Variants in FYB2 observed in about 807,000 individuals in gnomAD.
FYB2 encodes the protein FYN binding protein 2.
FYB2 carries 103 observed loss-of-function variants against 94.1 expected under a neutral mutation model. The observed-to-expected ratio is 1.09, with a 90% confidence interval of 0.93 to 1.29. The LOEUF (loss-of-function observed/expected upper bound fraction) is 1.29. Ranked by LOEUF, FYB2 falls within the 50% of genes most tolerant of loss-of-function variation. The pLI is 0.00. For missense variants in FYB2, 896 were observed against 841.5 expected, an observed-to-expected ratio of 1.06 and a Z score of -0.80; for synonymous variants, 293 against 287.9, an observed-to-expected ratio of 1.02 and a Z score of -0.18.
At chr1:56,719,856 G>A (rs996503583) in intron 19 of FYB2, among the ~76,000 whole-genome samples, 164 bp from the exon 20 acceptor site, 9 of 148,332 alleles carry the variant, frequency 6.1e-5, no homozygotes, top group African/African-American at 2.0e-4. Flanking sequence ...AGGAGAGACA[G>A]TAATAAAGTC....
intron 7 of FYB2, among the ~76,000 whole-genome samples, chr1:56,754,734 A>G (rs966873993): frequency 6.6e-6 from 1 of 152,020 alleles, no homozygotes; most frequent in African/African-American, 2.4e-5. Flanking sequence ...CTCACTCCCA[A>G]CTACTCTGGC....
chr1:56,728,710 T>C (rs575680773), intron 15 of FYB2, among the ~76,000 whole-genome samples: 1 of 152,248 alleles, frequency 6.6e-6, no homozygotes, highest in East Asian at 1.9e-4. Context: ...TCCACTGCTA[T>C]CCATACTTTA....
At chr1:56,819,519 C>G (rs1646963428), upstream of FYB2, 1 of 612,002 alleles carries the variant, frequency 1.6e-6, no homozygotes, top group Non-Finnish European at 2.9e-6. Flanking sequence ...AGACCAGCAC[C>G]TGCAGGGGAC....
upstream of FYB2, chr1:56,819,793 C>T (rs1189024135): frequency 2.4e-5 from 4 of 167,314 alleles, no homozygotes; most frequent in Admixed American, 5.7e-5. Flanking sequence ...CCCTTTCTCA[C>T]GGTCAGGGAA....
intron 16 of FYB2, among the ~76,000 whole-genome samples, 178 bp from the exon 17 acceptor site, chr1:56,723,859 A>G (rs1375653986): frequency 6.6e-6 from 1 of 151,454 alleles, no homozygotes; most frequent in Admixed American, 6.6e-5. Flanking sequence ...ACACACACGT[A>G]TGTAGGTTCA....
intron 9 of FYB2, among the ~76,000 whole-genome samples, chr1:56,745,512 A>G (rs932799351): frequency 1.3e-5 from 2 of 151,862 alleles, no homozygotes; most frequent in African/African-American, 2.4e-5. Flanking sequence ...CTCACTTCCA[A>G]TCCAAAGCCA....
At chr1:56,757,700 T>TTCTTTCTTTCTTTCTTTCTC in intron 6 of FYB2, among the ~76,000 whole-genome samples, 3 of 87,918 alleles carry the variant, frequency 3.4e-5, no homozygotes, top group Admixed American at 2.5e-4. Flanking sequence ...CTTTCTTTCT[T>TTCTTTCTTTCTTTCTTTCTC]TCTTTCTTTC....
chr1:56,753,967 G>A, intron 7 of FYB2, 32 bp from the exon 8 acceptor site: 2 of 1,037,256 alleles, frequency 1.9e-6, no homozygotes, highest in Non-Finnish European at 3.0e-6. Flanking sequence ...GGAAAAAAAT[G>A]AAGCTTAGAG....
intron 4 of FYB2, among the ~76,000 whole-genome samples, chr1:56,775,501 G>A (rs1317724377): frequency 1.3e-5 from 2 of 152,144 alleles, no homozygotes; most frequent in African/African-American, 4.8e-5. Flanking sequence ...TACCTGCCAA[G>A]CACTGTTTCA....
chr1:56,765,082 T>A (rs1418223921), intron 5 of FYB2, among the ~76,000 whole-genome samples: 1 of 152,174 alleles, frequency 6.6e-6, no homozygotes, highest in African/African-American at 2.4e-5. Flanking sequence ...AATACCCAAG[T>A]GAGAAAACAG....
intron 4 of FYB2, among the ~76,000 whole-genome samples, chr1:56,772,856 G>A (rs1045845454): frequency 1.3e-4 from 20 of 152,168 alleles, no homozygotes; most frequent in African/African-American, 4.8e-4. Context: ...TAATATTAGT[G>A]TATTAGAGGA....
In FYB2 at chr1:56,762,228, T is replaced by G. The variant is rs1194981582; in HGVS notation, c.1064-3478A>C. Reference sequence around the variant, plus strand: ...AACTCCTTTGCCTTTCTATATGCATTTTAGGATAATCTTGTCTGTATCTGC... The same window carrying G: ...AACTCCTTTGCCTTTCTATATGCATGTTAGGATAATCTTGTCTGTATCTGC... On this transcript the variant is annotated intron_variant, in intron 5 of 19. Transcript: ENST00000343433. Among the ~76,000 whole-genome samples the G allele has an allele frequency of 2.6e-5, 4 of 152,192 alleles. 1 individual carries two copies. Among genetic ancestry groups the G allele is most frequent in the African/African-American group, 9.6e-5 (4 of 41,464 alleles).
intron 6 of FYB2, among the ~76,000 whole-genome samples, chr1:56,757,563 A>G (rs857104): frequency 0.21 from 32,200 of 152,018 alleles, 3,610 homozygotes; most frequent in South Asian, 0.33. Flanking sequence ...CTGCAGATAC[A>G]GTAACCACAA....
At chr1:56,799,709 G>A (rs1449760661) in intron 1 of FYB2, among the ~76,000 whole-genome samples, 3 of 152,100 alleles carry the variant, frequency 2.0e-5, no homozygotes, top group African/African-American at 7.2e-5. Flanking sequence ...ATCACGTTTT[G>A]ATCTCTGCTT....
chr1:56,817,863 C>T (rs1646918732), intron 1 of FYB2, among the ~76,000 whole-genome samples: 1 of 152,066 alleles, frequency 6.6e-6, no homozygotes, highest in South Asian at 2.1e-4. Flanking sequence ...TATTGTAATC[C>T]TTGCTAGCGA....
intron 4 of FYB2, among the ~76,000 whole-genome samples, chr1:56,782,295 T>C (rs1738398): frequency 0.78 from 118,135 of 152,108 alleles, 46,905 homozygotes; most frequent in East Asian, 0.96. Context: ...ACTCTCAAAC[T>C]CTCATTATTA....
rs760022344 is a variant in FYB2, at chr1:56,738,666, A to G, written c.1704-13T>C. The G allele has an allele frequency of 1.2e-6, 2 of 1,609,738 alleles. No homozygotes were observed. Among genetic ancestry groups the G allele is most frequent in the Non-Finnish European group, 1.7e-6 (2 of 1,177,770 alleles). ...AATGGAAAATGCACTGTTGATTGAC[A>G]AAAGACACAAAAGAGTTAAGGAAAA... On this transcript the variant is annotated splice_polypyrimidine_tract_variant and intron_variant, in intron 13 of 19. Coordinates refer to ENST00000343433, the MANE Select transcript of FYB2 (RefSeq NM_001004303.5).
intron 1 of FYB2, among the ~76,000 whole-genome samples, chr1:56,809,586 C>T (rs1359486270): frequency 1.3e-5 from 2 of 151,908 alleles, no homozygotes; most frequent in African/African-American, 4.9e-5. Context: ...TTTTACTTGA[C>T]TCAACCCAGC....
At chr1:56,724,667 A>G (rs907554486) in intron 16 of FYB2, among the ~76,000 whole-genome samples, 2 of 152,062 alleles carry the variant, frequency 1.3e-5, no homozygotes, top group African/African-American at 2.4e-5. Context: ...GATAAAGTCT[A>G]AATTCATTAG....
Sources: allele counts gnomAD v4.1 joint callset (sites outside exome capture counted in the v4.1 genomes callset), GRCh38; gene constraint gnomAD v4.1.1; transcripts MANE v1.5; gene names NCBI Gene and HGNC (gene_info 2026-07-23, HGNC 2026-07-21).